KCTD19: variants seen among roughly 807,000 people sequenced by gnomAD.
KCTD19 encodes the protein potassium channel tetramerization domain containing 19.
A neutral mutation model predicts 103.5 loss-of-function variants in KCTD19; 67 were observed. That is an observed-to-expected ratio of 0.65 (90% CI 0.53 to 0.79). The LOEUF (loss-of-function observed/expected upper bound fraction) is 0.79, where lower values mean the gene tolerates loss of function less well. KCTD19 is among the 30% of genes least tolerant of loss of function. The pLI is 0.00. For missense variants in KCTD19, 980 were observed against 1,136.1 expected, an observed-to-expected ratio of 0.86 and a Z score of 1.98; for synonymous variants, 439 against 452.2, an observed-to-expected ratio of 0.97 and a Z score of 0.37.
chr16:67,317,865 C>T (rs2037029164), intron 2 of KCTD19, among the ~76,000 whole-genome samples: 1 of 152,106 alleles, frequency 6.6e-6, no homozygotes, highest in Admixed American at 6.6e-5. Context: ...TGGGTGAATG[C>T]ATTAAGTTGG....
At chr16:67,294,295 CAG>C in intron 11 of KCTD19, 124 bp from the exon 12 acceptor site, 1 of 1,081,446 alleles carries the variant, frequency 9.2e-7, no homozygotes, top group East Asian at 2.4e-5. Flanking sequence ...CCATCCCTGA[CAG>C]GGGTCACCCA....
intron 2 of KCTD19, among the ~76,000 whole-genome samples, chr16:67,307,413 A>G (rs2036905492): frequency 6.6e-6 from 1 of 151,694 alleles, no homozygotes; most frequent in Non-Finnish European, 1.5e-5. Flanking sequence ...TCCCAGGCTC[A>G]GGTGATCCTC....
chr16:67,304,855 A>G (rs2036875557), intron 2 of KCTD19, among the ~76,000 whole-genome samples: 1 of 151,994 alleles, frequency 6.6e-6, no homozygotes, highest in South Asian at 2.1e-4. Context: ...TTTAGTAGAG[A>G]CAGAGTTTCA....
intron 1 of KCTD19, among the ~76,000 whole-genome samples, chr16:67,324,229 A>G (rs1308570797): frequency 6.6e-6 from 1 of 152,242 alleles, no homozygotes; most frequent in Non-Finnish European, 1.5e-5. Flanking sequence ...AATACGATGG[A>G]AAAGTAGAGA....
At position 67,323,434 on chromosome 16, in the gene KCTD19, A is replaced by C. The variant is rs943805510; in HGVS notation, c.4-2549T>G. Among the ~76,000 whole-genome samples, 23 of 152,162 alleles carry C rather than the reference A, an allele frequency of 1.5e-4. No individual in the cohort carries two copies. The highest frequency in any genetic ancestry group is 3.2e-4 in the Non-Finnish European group (22 of 68,018). ...GCACTTTGGAAGGCTGAGGCAGGAG[A>C]TTCACTTGAGCCCAGGAGTTTGAGG... On this transcript the variant is annotated intron_variant, in intron 1 of 15. Coordinates refer to ENST00000304372, the MANE Select transcript of KCTD19 (RefSeq NM_001100915.3). This position sits in a 1 kb window ranked among gnomAD's most constrained non-coding sequence, Gnocchi z 4.1.
At chr16:67,309,427 T>C (rs1376200771) in intron 2 of KCTD19, among the ~76,000 whole-genome samples, 1 of 151,850 alleles carries the variant, frequency 6.6e-6, no homozygotes, top group Non-Finnish European at 1.5e-5. Flanking sequence ...GGGACAGGGA[T>C]GAAGGAGAGG....
At chr16:67,297,928 C>T (rs548724374) in intron 6 of KCTD19, among the ~76,000 whole-genome samples, 348 of 151,880 alleles carry the variant, frequency 2.3e-3, no homozygotes, top group Non-Finnish European at 4.0e-3. Flanking sequence ...GTAGCTGGAA[C>T]TACAGGCACC....
chr16:67,306,296 C>T (rs775199568), intron 2 of KCTD19, among the ~76,000 whole-genome samples: 15 of 152,286 alleles, frequency 9.8e-5, no homozygotes, highest in Non-Finnish European at 1.2e-4. Flanking sequence ...ATTAGAGTCT[C>T]GCTCTGTCAC....
chr16:67,308,457 G>A (rs1401659796), intron 2 of KCTD19, among the ~76,000 whole-genome samples: 2 of 151,830 alleles, frequency 1.3e-5, no homozygotes, highest in African/African-American at 4.8e-5. Flanking sequence ...GAGCCACTGC[G>A]CCCAGCCTAA....
intron 2 of KCTD19, among the ~76,000 whole-genome samples, chr16:67,314,778 G>A (rs1021439253): frequency 3.0e-5 from 4 of 134,058 alleles, no homozygotes; most frequent in Admixed American, 1.6e-4. Flanking sequence ...TAGCTGACAT[G>A]ATGGTTTTTT....
chr16:67,305,058 C>A (rs2036878231), intron 2 of KCTD19, among the ~76,000 whole-genome samples: 1 of 152,082 alleles, frequency 6.6e-6, no homozygotes, highest in African/African-American at 2.4e-5. Flanking sequence ...TATTCAAAGT[C>A]CCAATGATTA....
intron 2 of KCTD19, among the ~76,000 whole-genome samples, chr16:67,315,102 C>T (rs1314413187): frequency 6.6e-6 from 1 of 151,994 alleles, no homozygotes; most frequent in Non-Finnish European, 1.5e-5. Context: ...TTCAAGCAAT[C>T]CTCCTGCCTC....
chr16:67,320,953 T>C lies in KCTD19; in HGVS notation c.4-68A>G. 7.4e-7 allele frequency: 1 copy of C among 1,357,614 alleles called. No individual in the cohort carries two copies. The highest frequency in any genetic ancestry group is 1.0e-6 in the Non-Finnish European group (1 of 995,154). The allele number at this position is 1,357,614 out of a possible 1,614,324, so 84.1% of individuals were successfully genotyped here. On this transcript the variant is annotated intron_variant, in intron 1 of 15. Transcript: ENST00000304372. The surrounding 1 kb of genome is among the most constrained non-coding windows in gnomAD (Gnocchi z 4.0). ...TAAAAAGGCATCCAGATTGAAAAGG[T>C]AGAAATAAACTATCTCTGTTTGCTG...
At chr16:67,315,904 G>C (rs763948061) in intron 2 of KCTD19, among the ~76,000 whole-genome samples, 1 of 152,142 alleles carries the variant, frequency 6.6e-6, no homozygotes. Flanking sequence ...GTGAGCCACC[G>C]CGTCTGGCCT....
chr16:67,326,381 C>T (rs2037170007), intron 1 of KCTD19, among the ~76,000 whole-genome samples: 1 of 152,054 alleles, frequency 6.6e-6, no homozygotes, highest in African/African-American at 2.4e-5. Flanking sequence ...TTGGATCTCC[C>T]CTTCACACAC....
chr16:67,319,593 A>G (rs934202693), intron 2 of KCTD19, among the ~76,000 whole-genome samples: 8 of 152,184 alleles, frequency 5.3e-5, no homozygotes, highest in Non-Finnish European at 8.8e-5. Context: ...ATCAGCCACA[A>G]AAATGATTTC....
chr16:67,297,674 G>C lies in KCTD19; in HGVS notation c.987-11C>G. On this transcript the variant is annotated splice_polypyrimidine_tract_variant and intron_variant, in intron 6 of 15. Transcript: ENST00000304372. ...GTCCCCAGCCAGTTCCTGCCCAGAG[G>C]AAAGGTCTGTCATGAAGAACATCAG... The C allele has an allele frequency of 6.2e-7, 1 of 1,612,932 alleles. No individual in the cohort carries two copies. The highest frequency in any genetic ancestry group is 8.5e-7 in the Non-Finnish European group (1 of 1,179,790).
At chr16:67,304,623 T>C in intron 2 of KCTD19, 52 bp from the exon 3 acceptor site, 1 of 1,482,654 alleles carries the variant, frequency 6.7e-7, no homozygotes, top group Non-Finnish European at 9.4e-7. Flanking sequence ...AGTAACTATG[T>C]ACCAATTCTA....
rs775370375 is a variant in KCTD19, at chr16:67,304,412, C to T, written c.451+9G>A. 1 of 1,613,682 alleles carries T rather than the reference C, an allele frequency of 6.2e-7. No homozygotes were observed. The highest frequency in any genetic ancestry group is 2.2e-5 in the East Asian group (1 of 44,870). On this transcript the variant is annotated intron_variant, in intron 3 of 15. Transcript: ENST00000304372. ...GGGCTTTAGGGAGGGACAGCCTATC[C>T]CAATTCACCTGTAAAGGCTGGGCTT...
Sources: allele counts gnomAD v4.1 joint callset (sites outside exome capture counted in the v4.1 genomes callset), GRCh38; gene constraint gnomAD v4.1.1; non-coding constraint Gnocchi (gnomAD v3.1); transcripts MANE v1.5; gene names NCBI Gene and HGNC (gene_info 2026-07-23, HGNC 2026-07-21).